The following PTPRM variants were observed in gnomAD, a reference collection of about 807,000 sequenced individuals.
PTPRM encodes the protein protein tyrosine phosphatase receptor type M.
A neutral mutation model predicts 186.7 loss-of-function variants in PTPRM; 47 were observed. The observed-to-expected ratio is 0.25, with a 90% confidence interval of 0.20 to 0.32. The LOEUF (loss-of-function observed/expected upper bound fraction) is 0.32, where lower values mean the gene tolerates loss of function less well. PTPRM is among the 10% of genes least tolerant of loss of function. The probability of loss-of-function intolerance (pLI) is 1.00; values close to 1 mark genes in which losing one functional copy is unlikely to be tolerated. For missense variants in PTPRM, 1,494 were observed against 1,865.0 expected (o/e 0.80, Z 3.66); for synonymous variants, 668 against 674.9 (o/e 0.99, Z 0.16).
At chr18:7,651,250 G>C (rs1404594762) in intron 1 of PTPRM, among the ~76,000 whole-genome samples, 1 of 152,046 alleles carries the variant, frequency 6.6e-6, no homozygotes, top group African/African-American at 2.4e-5. Flanking sequence ...ATGTGACCAG[G>C]CTTCACAATA....
intron 13 of PTPRM, among the ~76,000 whole-genome samples, chr18:8,135,616 A>C (rs2092620236): frequency 6.6e-6 from 1 of 152,212 alleles, no homozygotes. Context: ...ACACAACGCC[A>C]CAATAAATAT....
chr18:8,256,129 A>G (rs536905250), intron 19 of PTPRM, among the ~76,000 whole-genome samples: 2 of 152,200 alleles, frequency 1.3e-5, no homozygotes, highest in East Asian at 3.8e-4. Flanking sequence ...ATCATGCTGT[A>G]AAGTCTGCAT....
intron 14 of PTPRM, among the ~76,000 whole-genome samples, chr18:8,156,029 G>T (rs908448595): frequency 2.6e-5 from 4 of 152,172 alleles, no homozygotes; most frequent in African/African-American, 9.7e-5. Context: ...CTTGGAACAG[G>T]CCATATGTGC....
At chr18:7,641,875 C>T (rs1276141207) in intron 1 of PTPRM, among the ~76,000 whole-genome samples, 1 of 152,098 alleles carries the variant, frequency 6.6e-6, no homozygotes, top group Non-Finnish European at 1.5e-5. Context: ...ATTCACTTTA[C>T]AGATGAGGAA....
intron 1 of PTPRM, among the ~76,000 whole-genome samples, chr18:7,739,005 T>G (rs558745808): frequency 1.3e-5 from 2 of 151,904 alleles, no homozygotes; most frequent in Admixed American, 6.6e-5. Context: ...CTTTGGAGCT[T>G]CTTCTTGGTC....
intron 1 of PTPRM, among the ~76,000 whole-genome samples, chr18:7,677,705 C>A (rs929734732): frequency 2.0e-5 from 3 of 152,116 alleles, no homozygotes; most frequent in Non-Finnish European, 4.4e-5. Flanking sequence ...CACGCTCCCC[C>A]TCTGGAGCCC....
chr18:7,994,766 G>T (rs538995167), intron 7 of PTPRM, among the ~76,000 whole-genome samples: 192 of 152,038 alleles, frequency 1.3e-3, no homozygotes, highest in African/African-American at 4.3e-3. Flanking sequence ...ATAAAAAAAT[G>T]GAAACAAATG....
rs74373235 is a variant in PTPRM at position 8,225,658 on chromosome 18, A to G, written c.2301-18400A>G. Among the ~76,000 whole-genome samples the G allele has an allele frequency of 3.7e-3, 562 of 152,372 alleles. 1 individual carries two copies. The highest frequency in any genetic ancestry group is 0.013 in the African/African-American group (520 of 41,592). ...CTGTCTGCTTACCTGACATGCCAGC[A>G]GCTAACTCATCCCCTTTGTCTGTGT... On this transcript the variant is annotated intron_variant, in intron 14 of 32. Transcript: ENST00000580170.
At chr18:8,352,322 T>C (rs1422178470) in intron 23 of PTPRM, among the ~76,000 whole-genome samples, 2 of 152,192 alleles carry the variant, frequency 1.3e-5, no homozygotes, top group Non-Finnish European at 2.9e-5. Context: ...AGGGGGCACA[T>C]GGGCAGGTTT....
chr18:7,606,951 T>A (rs774452811), intron 1 of PTPRM, among the ~76,000 whole-genome samples: 2 of 152,100 alleles, frequency 1.3e-5, no homozygotes, highest in Non-Finnish European at 2.9e-5. Context: ...TATTGGAAGT[T>A]GCCTGACTCC....
At chr18:8,275,504 G>A (rs2094823680) in intron 19 of PTPRM, among the ~76,000 whole-genome samples, 2 of 152,156 alleles carry the variant, frequency 1.3e-5, no homozygotes, top group South Asian at 2.1e-4. Context: ...AGCTTTATAG[G>A]TAGGTAAAGA....
chr18:8,222,764 C>A (rs1568550661), intron 14 of PTPRM, among the ~76,000 whole-genome samples: 1 of 152,244 alleles, frequency 6.6e-6, no homozygotes, highest in Non-Finnish European at 1.5e-5. Context: ...CAGGGTTTCA[C>A]TATAGGCAGC....
At chr18:7,621,649 C>T (rs1037095874) in intron 1 of PTPRM, among the ~76,000 whole-genome samples, 2 of 152,238 alleles carry the variant, frequency 1.3e-5, no homozygotes, top group Admixed American at 6.5e-5. Flanking sequence ...CAACCCCTGA[C>T]AACGACTGAT....
intron 32 of PTPRM, chr18:8,399,668 T>C (rs745385107): frequency 1.2e-4 from 18 of 152,082 alleles, no homozygotes; most frequent in Non-Finnish European, 2.6e-4. Flanking sequence ...TACAGAGAAG[T>C]CTAGCGTTTC....
intron 5 of PTPRM, among the ~76,000 whole-genome samples, chr18:7,934,887 A>G (rs2051706585): frequency 6.6e-6 from 1 of 152,238 alleles, no homozygotes; most frequent in Non-Finnish European, 1.5e-5. Context: ...ATGAATTCAT[A>G]AGTATCATGT....
intron 22 of PTPRM, among the ~76,000 whole-genome samples, chr18:8,328,592 T>C (rs1239337837): frequency 6.6e-6 from 1 of 152,238 alleles, no homozygotes. Flanking sequence ...AAGTATTACC[T>C]AGTGAAGTGG....
chr18:8,172,260 T>C (rs1483258252), intron 14 of PTPRM, among the ~76,000 whole-genome samples: 1 of 146,882 alleles, frequency 6.8e-6, no homozygotes, highest in Non-Finnish European at 1.5e-5. Context: ...ATTTCAAGTC[T>C]TGACCTTTTT....
chr18:8,134,743 T>C (rs2092598322), intron 13 of PTPRM, among the ~76,000 whole-genome samples: 1 of 152,202 alleles, frequency 6.6e-6, no homozygotes, highest in Non-Finnish European at 1.5e-5. Context: ...TCCTTTTTCA[T>C]TCTTTTGTTA....
intron 7 of PTPRM, among the ~76,000 whole-genome samples, chr18:8,046,325 A>T (rs2087049964): frequency 6.6e-6 from 1 of 152,198 alleles, no homozygotes; most frequent in Non-Finnish European, 1.5e-5. Context: ...TATTAGTGAA[A>T]TCTTCACTTG....
Sources: allele counts gnomAD v4.1 joint callset (sites outside exome capture counted in the v4.1 genomes callset), GRCh38; gene constraint gnomAD v4.1.1; transcripts MANE v1.5; gene names NCBI Gene and HGNC (gene_info 2026-07-23, HGNC 2026-07-21).